The following PHC3 variants were observed in gnomAD, a reference collection of about 807,000 sequenced individuals.
PHC3 encodes polyhomeotic homolog 3.
In PHC3, 13 loss-of-function variants were observed where a neutral mutation model predicts 107.4. That is an observed-to-expected ratio of 0.12 (90% CI 0.08 to 0.19). The LOEUF (loss-of-function observed/expected upper bound fraction) is 0.19. PHC3 is among the 10% of genes least tolerant of loss of function. The pLI, the probability that PHC3 is intolerant of heterozygous loss-of-function variation, is 1.00. For synonymous variants in PHC3, 456 were observed against 427.4 expected, an observed-to-expected ratio of 1.07 and a Z score of -0.83; for missense variants, 992 against 1,210.9, an observed-to-expected ratio of 0.82 and a Z score of 2.68.
chr3:170,149,158 C>T lies in PHC3; in HGVS notation c.501G>A (p.Gln167=). 1 of 1,613,224 alleles carries T rather than the reference C, an allele frequency of 6.2e-7. No individual in the cohort carries two copies. The highest frequency in any genetic ancestry group is 8.5e-7 in the Non-Finnish European group (1 of 1,179,718). ...SSSTSGSITQ[Q]TMLLGSTSPT... is the part of the protein sequence containing the mutation. The stretch of plus-strand genomic sequence containing the variant: ...GGGAAGTACTCCCTAGTAACATAGT[C>T]TGTTGGGTAATACTGCCGCTGGTAG... Residue 167 remains glutamine (Q), a synonymous_variant, in exon 5 of 15, where the codon CAG becomes CAA. Transcript: ENST00000495893.
At chr3:170,150,709 T>C (rs1238798114) in intron 4 of PHC3, 3 of 426,664 alleles carry the variant, frequency 7.0e-6, no homozygotes, top group Admixed American at 2.6e-5. Flanking sequence ...CGACACTCCA[T>C]CTAAAAAGAG....
intron 11 of PHC3, among the ~76,000 whole-genome samples, chr3:170,109,477 A>AT (rs1465443283): frequency 6.6e-6 from 1 of 152,198 alleles, no homozygotes; most frequent in Non-Finnish European, 1.5e-5. Flanking sequence ...GAACTACCAC[A>AT]TAAGCCCTGG....
At chr3:170,144,936 A>C (rs1217995465) in intron 6 of PHC3, among the ~76,000 whole-genome samples, 2 of 152,194 alleles carry the variant, frequency 1.3e-5, no homozygotes, top group African/African-American at 4.8e-5. Context: ...TTAATGCCTG[A>C]GTTCACACAA....
chr3:170,122,363 C>T (rs1352333127), intron 9 of PHC3, among the ~76,000 whole-genome samples: 1 of 152,134 alleles, frequency 6.6e-6, no homozygotes, highest in African/African-American at 2.4e-5. Flanking sequence ...TGACACTTTG[C>T]AAGGCCAAGG....
At chr3:170,128,327 G>C in intron 8 of PHC3, 1 of 1,256,396 alleles carries the variant, frequency 8.0e-7, no homozygotes, top group South Asian at 1.3e-5. Flanking sequence ...AGGGATCTAT[G>C]AAGGATAATC....
intron 8 of PHC3, among the ~76,000 whole-genome samples, chr3:170,124,166 T>A (rs751475180): frequency 9.9e-5 from 15 of 151,974 alleles, no homozygotes; most frequent in African/African-American, 4.8e-5. Flanking sequence ...ATTATTAATG[T>A]TTCCATTTCA....
chr3:170,099,875 CTG>C (rs1354053658), intron 14 of PHC3, among the ~76,000 whole-genome samples: 2 of 152,178 alleles, frequency 1.3e-5, no homozygotes, highest in African/African-American at 4.8e-5. Flanking sequence ...ATCAAATCTA[CTG>C]TGGATTCACC....
chr3:170,118,662 C>T (rs961955810), intron 9 of PHC3, among the ~76,000 whole-genome samples: 2 of 152,122 alleles, frequency 1.3e-5, no homozygotes, highest in African/African-American at 4.8e-5. Context: ...CCACCCGCCT[C>T]GGCCTGCCAA....
At position 170,128,819 on chromosome 3, in the gene PHC3, C is replaced by T. The variant is rs757520159; in HGVS notation, c.1653G>A (p.Gln551=). The part of the protein sequence containing the change: ...EILSQGQVLV[Q]NALVSEEELP... ...GTTCCTCTTCTGACACCAAAGCATTCTGCACCAAAACCTGGCCCTGGGACA... is the reference window on the plus strand; with the variant it reads ...GTTCCTCTTCTGACACCAAAGCATTTTGCACCAAAACCTGGCCCTGGGACA... Residue 551 remains glutamine (Q), a synonymous_variant, in exon 8 of 15, where the codon CAG becomes CAA. Coordinates refer to ENST00000495893, the MANE Select transcript of PHC3 (RefSeq NM_024947.4). The T allele has an allele frequency of 6.2e-7, 1 of 1,614,014 alleles. No individual in the cohort carries two copies. The highest frequency in any genetic ancestry group is 8.5e-7 in the Non-Finnish European group (1 of 1,179,892).
intron 2 of PHC3, among the ~76,000 whole-genome samples, chr3:170,174,294 T>C (rs1730072904): frequency 6.6e-6 from 1 of 152,156 alleles, no homozygotes; most frequent in African/African-American, 2.4e-5. Flanking sequence ...AAATGTCAAA[T>C]ACCTTGTTTT....
chr3:170,099,271 A>G (rs1054137502), intron 14 of PHC3, among the ~76,000 whole-genome samples: 8 of 152,268 alleles, frequency 5.3e-5, no homozygotes, highest in African/African-American at 1.7e-4. Flanking sequence ...AATAATATAG[A>G]ACAAAAAGTG....
intron 4 of PHC3, among the ~76,000 whole-genome samples, chr3:170,159,164 C>A (rs962560118): frequency 6.8e-6 from 1 of 146,220 alleles, no homozygotes; most frequent in African/African-American, 2.5e-5. Flanking sequence ...GGCAGGAGAA[C>A]GGGCGTGAAC....
At chr3:170,175,623 GA>G (rs1243372877) in intron 2 of PHC3, among the ~76,000 whole-genome samples, 201 of 109,740 alleles carry the variant, frequency 1.8e-3, no homozygotes, top group East Asian at 2.8e-3. Context: ...AGGGAGAGAA[GA>G]AAAAAAAAAA....
In PHC3 at chr3:170,167,135, C is replaced by T. The variant is rs566807702; in HGVS notation, c.414+4238G>A. 3.3e-5 allele frequency among the ~76,000 whole-genome samples: 5 copies of T among 152,198 alleles called. No individual in the cohort carries two copies. In the South Asian group the frequency reaches 1.0e-3, roughly 32 times the overall value. On this transcript the variant is annotated intron_variant, in intron 4 of 14. Transcript: ENST00000495893. Reference sequence around the variant, plus strand: ...ACTTTAACAGATGACAACAGTACTTCATTGTTATTTGTGCATATATTTCTA... The same window carrying T: ...ACTTTAACAGATGACAACAGTACTTTATTGTTATTTGTGCATATATTTCTA...
intron 6 of PHC3, among the ~76,000 whole-genome samples, chr3:170,141,996 A>G (rs1426764831): frequency 1.3e-5 from 2 of 152,242 alleles, no homozygotes; most frequent in African/African-American, 4.8e-5. Context: ...GACAATGCAT[A>G]ACAAAAATAG....
chr3:170,171,515 T>C (rs1228770476), intron 3 of PHC3, 65 bp from the exon 4 acceptor site: 4 of 1,142,592 alleles, frequency 3.5e-6, no homozygotes, highest in Non-Finnish European at 5.0e-6. Flanking sequence ...TCTGGTACCA[T>C]GATAACACAA....
chr3:170,164,915 G>T (rs767121868), intron 4 of PHC3, among the ~76,000 whole-genome samples: 13 of 152,154 alleles, frequency 8.5e-5, no homozygotes, highest in Non-Finnish European at 1.8e-4. Flanking sequence ...TGTCTGCAAA[G>T]AACTTGATTT....
chr3:170,087,920 CT>C lies in PHC3; in HGVS notation c.*9309del, dbSNP rs1231590363. The C allele has an allele frequency of 6.6e-6, 1 of 152,056 alleles. No individual in the cohort carries two copies. The highest frequency in any genetic ancestry group is 6.6e-5 in the Admixed American group (1 of 15,264). 9.4% of individuals were successfully genotyped at this position (152,056 alleles called of 1,614,324 possible). A position where few individuals can be genotyped will look rare whatever the true frequency, so the allele number is the denominator to read the frequency against. ...ACACATGCTACTTAATATGAAAGTG[CT>C]TTCTCTTTTTTAAAAAAATACACCA... is the stretch of plus-strand genomic sequence containing the variant. On this transcript the variant is annotated 3_prime_UTR_variant, in exon 15 of 15. Transcript: ENST00000495893.
chr3:170,163,241 TA>T (rs548049149), intron 4 of PHC3, among the ~76,000 whole-genome samples: 157 of 151,750 alleles, frequency 1.0e-3, no homozygotes, highest in Non-Finnish European at 1.9e-3. Flanking sequence ...TCTAGCATCA[TA>T]ACTAGAAAGT....
Sources: gnomAD v4.1 joint callset for allele counts (sites outside exome capture counted in the v4.1 genomes callset) on GRCh38, gnomAD v4.1.1 for gene constraint, MANE v1.5 for transcripts, NCBI Gene and HGNC (gene_info 2026-07-23, HGNC 2026-07-21) for gene names.